Variants in HBP1 observed in about 807,000 individuals in gnomAD.
HBP1 encodes the protein HMG box-containing protein 1.
In HBP1, 20 loss-of-function variants were observed where a neutral mutation model predicts 62.6. The ratio of observed to expected loss-of-function variants is 0.32; its 90% CI spans 0.22 to 0.46. The LOEUF is 0.46. HBP1 is among the 20% of genes least tolerant of loss of function. The pLI is 1.00. For missense variants in HBP1, 480 were observed against 611.8 expected (o/e 0.78, Z 2.27); for synonymous variants, 232 against 206.2 (o/e 1.12, Z -1.07).
Position 107,169,153 on chromosome 7 carries a change from GC to G in HBP1, c.-45del. 8.6e-7 allele frequency: 1 copy of G among 1,169,102 alleles called. No homozygotes were observed. The highest frequency in any genetic ancestry group is 1.5e-5 in the South Asian group (1 of 65,514). 72.4% of individuals were successfully genotyped at this position (1,169,102 alleles called of 1,614,324 possible). A position where few individuals can be genotyped will look rare whatever the true frequency, so the allele number is the denominator to read the frequency against. ...TGGTGGTGTTGTCGTGGCCGGAGCG[GC>G]CCGCGCCTGGGCTGCCGGCACTTCG... On this transcript the variant is annotated 5_prime_UTR_variant, in exon 1 of 11. Coordinates refer to ENST00000222574, the MANE Select transcript of HBP1 (RefSeq NM_012257.4).
chr7:107,182,714 CATTAGA>C, intron 3 of HBP1, 113 bp downstream of exon 3: 1 of 599,762 alleles, frequency 1.7e-6, no homozygotes. Context: ...GAATTTAAGT[CATTAGA>C]ATTAAGCTCC....
chr7:107,195,745 GTTTTC>G (rs1392489504), intron 8 of HBP1, 84 bp from the exon 9 acceptor site: 7 of 639,152 alleles, frequency 1.1e-5, no homozygotes, highest in Non-Finnish European at 1.2e-5. Context: ...CCAATCAGAT[GTTTTC>G]TTTTTTTTTT....
At chr7:107,177,072 A>G (rs900341241) in intron 1 of HBP1, among the ~76,000 whole-genome samples, 1 of 152,214 alleles carries the variant, frequency 6.6e-6, no homozygotes, top group Non-Finnish European at 1.5e-5. Context: ...TCTATTTAGG[A>G]CATTACAGAC....
At position 107,185,985 on chromosome 7, in the gene HBP1, A is replaced by G. The variant is rs752432861; in HGVS notation, c.540+43A>G. 12 of 1,469,212 alleles carry G rather than the reference A, an allele frequency of 8.2e-6. No individual in the cohort carries two copies. The African/African-American group carries it at 1.2e-4, about 15-fold the overall frequency. The allele number at this position is 1,469,212 out of a possible 1,614,324, so 91.0% of individuals were successfully genotyped here. On this transcript the variant is annotated intron_variant, in intron 4 of 10. Transcript: ENST00000222574. ...GTTAAACTTTTACAAAGTTTGTACA[A>G]CAGTTGAAGTACATTAACATTCCTC... is the stretch of plus-strand genomic sequence containing the variant.
In HBP1 at chr7:107,202,482, C is replaced by T. The variant is rs1798401953; in HGVS notation, c.*1051C>T. On this transcript the variant is annotated 3_prime_UTR_variant, in exon 11 of 11. Coordinates refer to ENST00000222574, the MANE Select transcript of HBP1 (RefSeq NM_012257.4). ...GCCCCTAAATTTTGCACACTATATT[C>T]TTGTATATTATTTCAAATAAATGGA... is the stretch of plus-strand genomic sequence containing the variant. The T allele has an allele frequency of 6.6e-6, 1 of 152,478 alleles. No individual in the cohort carries two copies. Among genetic ancestry groups the T allele is most frequent in the South Asian group, 2.1e-4 (1 of 4,826 alleles). 9.4% of individuals were successfully genotyped at this position (152,478 alleles called of 1,614,324 possible).
At chr7:107,193,614 TCA>T (rs1376565434) in intron 8 of HBP1, among the ~76,000 whole-genome samples, 1 of 152,196 alleles carries the variant, frequency 6.6e-6, no homozygotes, top group African/African-American at 2.4e-5. Context: ...GAATTTGCAC[TCA>T]GTTAAAATTT....
At chr7:107,190,067 CTTAGCAATAACAT>C (rs1797577059) in intron 7 of HBP1, 93 bp from the exon 8 acceptor site, 1 of 780,782 alleles carries the variant, frequency 1.3e-6, no homozygotes, top group African/African-American at 1.8e-5. Context: ...TCTCTTGAGA[CTTAGCAATAACAT>C]TTTATTTTTA....
intron 6 of HBP1, among the ~76,000 whole-genome samples, chr7:107,187,132 A>G (rs1252684465): frequency 6.6e-6 from 1 of 152,110 alleles, no homozygotes; most frequent in East Asian, 1.9e-4. Context: ...GGGCGCCTGT[A>G]GTCCCAACTA....
intron 9 of HBP1, chr7:107,197,132 C>T (rs1212013838): frequency 6.6e-6 from 1 of 152,206 alleles, no homozygotes; most frequent in Non-Finnish European, 1.5e-5. Flanking sequence ...ACTCTGTTGC[C>T]TGTACCCTTA....
chr7:107,177,383 C>T (rs1324857652), intron 1 of HBP1, among the ~76,000 whole-genome samples: 1 of 152,142 alleles, frequency 6.6e-6, no homozygotes, highest in Non-Finnish European at 1.5e-5. Flanking sequence ...AAGCAGTGCC[C>T]AGGCTAAGGG....
chr7:107,198,683 T>TAAAAAG (rs113099380), intron 9 of HBP1, among the ~76,000 whole-genome samples: 1 of 152,064 alleles, frequency 6.6e-6, no homozygotes, highest in Non-Finnish European at 1.5e-5. Flanking sequence ...ATTCAATGAA[T>TAAAAAG]AAATTCTCAT....
chr7:107,169,887 C>T, intron 1 of HBP1: 9 of 985,562 alleles, frequency 9.1e-6, no homozygotes, highest in Non-Finnish European at 1.1e-5. Context: ...AGGCACCGCT[C>T]TGTGTGACCC....
chr7:107,171,033 A>G (rs1480014591), intron 1 of HBP1, among the ~76,000 whole-genome samples: 1 of 134,402 alleles, frequency 7.4e-6, no homozygotes, highest in Non-Finnish European at 1.5e-5. Context: ...AATATATAAC[A>G]TATACATGTA....
At chr7:107,173,165 G>C (rs1287830037) in intron 1 of HBP1, among the ~76,000 whole-genome samples, 1 of 152,180 alleles carries the variant, frequency 6.6e-6, no homozygotes, top group African/African-American at 2.4e-5. Context: ...AATATACTTT[G>C]TTATGGAGGC....
Position 107,169,164 on chromosome 7 carries a change from G to C in HBP1, c.-37G>C. On this transcript the variant is annotated 5_prime_UTR_variant, in exon 1 of 11. Coordinates refer to ENST00000222574, the MANE Select transcript of HBP1 (RefSeq NM_012257.4). ...TCGTGGCCGGAGCGGCCCGCGCCTGGGCTGCCGGCACTTCGCGGCAGGTTT... is the reference window on the plus strand; with the variant it reads ...TCGTGGCCGGAGCGGCCCGCGCCTGCGCTGCCGGCACTTCGCGGCAGGTTT... 1.8e-6 allele frequency: 2 copies of C among 1,128,428 alleles called. No individual in the cohort carries two copies. The highest frequency in any genetic ancestry group is 3.4e-5 in the South Asian group (2 of 58,076). The allele number at this position is 1,128,428 out of a possible 1,614,324, so 69.9% of individuals were successfully genotyped here.
At chr7:107,180,730 A>T (rs751096018) in intron 2 of HBP1, among the ~76,000 whole-genome samples, 1 of 152,184 alleles carries the variant, frequency 6.6e-6, no homozygotes, top group African/African-American at 2.4e-5. Flanking sequence ...GAGATTATGT[A>T]CTATGGTAAT....
At chr7:107,177,190 G>A (rs1327389438) in intron 1 of HBP1, among the ~76,000 whole-genome samples, 5 of 152,302 alleles carry the variant, frequency 3.3e-5, no homozygotes, top group Admixed American at 3.3e-4. Flanking sequence ...TACTATCAGA[G>A]GAGAGTAGGG....
At position 107,202,321 on chromosome 7, in the gene HBP1, CAA is replaced by C. The variant is rs1755585654; in HGVS notation, c.*892_*893del. On this transcript the variant is annotated 3_prime_UTR_variant, in exon 11 of 11. Coordinates refer to ENST00000222574, the MANE Select transcript of HBP1 (RefSeq NM_012257.4). Reference sequence around the variant, plus strand: ...TTCCTCCAACTGTCTAAAATTAGAGCAAATACATTGGCAATACAGCTGCTTTT... The same window carrying C: ...TTCCTCCAACTGTCTAAAATTAGAGCATACATTGGCAATACAGCTGCTTTT... 1.3e-5 allele frequency: 2 copies of C among 152,578 alleles called. No homozygotes were observed. Among genetic ancestry groups the C allele is most frequent in the Non-Finnish European group, 2.9e-5 (2 of 68,024 alleles). 9.5% of individuals were successfully genotyped at this position (152,578 alleles called of 1,614,324 possible).
chr7:107,192,197 G>A (rs1797684133), intron 8 of HBP1, among the ~76,000 whole-genome samples: 1 of 151,788 alleles, frequency 6.6e-6, no homozygotes, highest in Admixed American at 6.6e-5. Context: ...AAGGAAAGCA[G>A]GCATTCAGAG....
Sources: gnomAD v4.1 joint callset for allele counts (sites outside exome capture counted in the v4.1 genomes callset) on GRCh38, gnomAD v4.1.1 for gene constraint, MANE v1.5 for transcripts, NCBI Gene and HGNC (gene_info 2026-07-23, HGNC 2026-07-21) for gene names.